The following RBFOX2 variants were observed in gnomAD, a reference collection of about 807,000 sequenced individuals.
RBFOX2 encodes the protein RNA binding protein fox-1 homolog 2.
A neutral mutation model predicts 49.1 loss-of-function variants in RBFOX2; 10 were observed. The observed-to-expected ratio is 0.20, with a 90% CI of 0.13 to 0.35. The LOEUF (loss-of-function observed/expected upper bound fraction) is 0.35, where lower values mean the gene tolerates loss of function less well. RBFOX2 is among the 10% of genes least tolerant of loss of function. RBFOX2 has a pLI of 1.00. For missense variants in RBFOX2, 323 were observed against 486.9 expected (o/e 0.66, Z 3.17); for synonymous variants, 183 against 187.4 (o/e 0.98, Z 0.19).
intron 1 of RBFOX2, among the ~76,000 whole-genome samples, chr22:35,847,169 A>T (rs745760306): frequency 1.2e-4 from 18 of 152,206 alleles, no homozygotes; most frequent in Non-Finnish European, 2.2e-4. Flanking sequence ...CTGATTTTAA[A>T]CTAATTTGGC....
chr22:35,792,772 A>T (rs1948013241), intron 2 of RBFOX2, among the ~76,000 whole-genome samples: 1 of 152,212 alleles, frequency 6.6e-6, no homozygotes, highest in Non-Finnish European at 1.5e-5. Flanking sequence ...TAGCCTTTTT[A>T]AAAAAATAAA....
intron 1 of RBFOX2, among the ~76,000 whole-genome samples, chr22:35,904,420 G>C (rs1323913190): frequency 6.6e-6 from 1 of 152,104 alleles, no homozygotes; most frequent in Non-Finnish European, 1.5e-5. Flanking sequence ...TTTTGTTAGG[G>C]AAGGTCAAAG....
intron 1 of RBFOX2, among the ~76,000 whole-genome samples, chr22:35,823,386 A>T (rs1954954126): frequency 6.6e-6 from 1 of 152,180 alleles, no homozygotes; most frequent in Non-Finnish European, 1.5e-5. Context: ...CATTTCATCC[A>T]ACTATTGGTT....
chr22:35,777,156 C>G (rs1944131847), intron 4 of RBFOX2, among the ~76,000 whole-genome samples: 1 of 151,786 alleles, frequency 6.6e-6, no homozygotes, highest in Non-Finnish European at 1.5e-5. Flanking sequence ...GGATTACAGG[C>G]GTGTGCCACC....
In RBFOX2 at chr22:35,881,134, G is replaced by A. The variant is rs565206838; in HGVS notation, c.-34+57713C>T. 4.6e-5 allele frequency among the ~76,000 whole-genome samples: 7 copies of A among 152,210 alleles called. No homozygotes were observed. The East Asian group carries it at 9.7e-4, about 21-fold the overall frequency. On this transcript the variant is annotated intron_variant, in intron 1 of 13. Transcript: ENST00000359369. ...AAAAATATTAGCTGGGCGTGGTGGC[G>A]GGCGCCTGTAGTCCAGCCACTCTGG...
chr22:35,753,771 CTTTTTTTTTTTT>C lies in RBFOX2; in HGVS notation c.887+6105_887+6116del, dbSNP rs869178693. 1.8e-4 allele frequency among the ~76,000 whole-genome samples: 10 copies of C among 54,470 alleles called. No homozygotes were observed. In the East Asian group the frequency reaches 1.9e-3, roughly 10 times the overall value. 35.7% of individuals were successfully genotyped at this position (54,470 alleles called of 152,430 possible). Reference sequence around the variant, plus strand: ...CTTAACAAGTTTGAAGTAGACAAGTCTTTTTTTTTTTTTTTTTTTTTTTTTTTTTGAGACGAA... The same window carrying C: ...CTTAACAAGTTTGAAGTAGACAAGTCTTTTTTTTTTTTTTTTTGAGACGAA... On this transcript the variant is annotated intron_variant, in intron 9 of 11. Transcript: ENST00000405409.
At chr22:35,809,412 A>G (rs1304761892) in intron 2 of RBFOX2, among the ~76,000 whole-genome samples, 1 of 152,132 alleles carries the variant, frequency 6.6e-6, no homozygotes, top group Non-Finnish European at 1.5e-5. Flanking sequence ...AAAGAAAGAA[A>G]GAATATTCCT....
chr22:35,838,392 T>C (rs1332694731), intron 1 of RBFOX2, among the ~76,000 whole-genome samples: 2 of 151,912 alleles, frequency 1.3e-5, no homozygotes, highest in Non-Finnish European at 2.9e-5. Flanking sequence ...AGGACCAACA[T>C]GGGCATTTTG....
Position 36,028,311 on chromosome 22 carries a change from C to T in RBFOX2, c.115G>A (p.Gly39Arg), listed in dbSNP as rs768334591. 7 of 1,519,090 alleles carry T rather than the reference C, an allele frequency of 4.6e-6. No individual in the cohort carries two copies. In the South Asian group the frequency reaches 6.1e-5, roughly 13 times the overall value. 94.1% of individuals were successfully genotyped at this position (1,519,090 alleles called of 1,614,324 possible). A position where few individuals can be genotyped will look rare whatever the true frequency, so the allele number is the denominator to read the frequency against. Residue 39 changes from glycine (G) to arginine (R), a missense_variant, in exon 1 of 14, where the codon GGA becomes AGA. By Grantham distance (125) the Gly-to-Arg change is moderately radical. Coordinates refer to the RBFOX2 transcript ENST00000438146. The stretch of plus-strand genomic sequence containing the variant: ...CGCTTGCTCAGGCCGGGATCGGCTC[C>T]GTCTCCTCCCGCTCCGGGCACCGGC...
intron 1 of RBFOX2, among the ~76,000 whole-genome samples, chr22:35,893,713 G>A (rs866845077): frequency 6.6e-6 from 1 of 152,154 alleles, no homozygotes; most frequent in Admixed American, 6.5e-5. Flanking sequence ...CAGCCCCTCC[G>A]AACATACACA....
intron 1 of RBFOX2, among the ~76,000 whole-genome samples, chr22:35,854,771 C>G (rs1163654978): frequency 6.6e-6 from 1 of 152,026 alleles, no homozygotes; most frequent in Non-Finnish European, 1.5e-5. Context: ...TATACTTTAT[C>G]TTGCCTTTTA....
In RBFOX2 at chr22:36,026,209, G is replaced by T. The variant is rs549852299; in HGVS notation, c.186+2031C>A. On this transcript the variant is annotated intron_variant, in intron 1 of 13. Coordinates refer to the RBFOX2 transcript ENST00000438146. Reference sequence around the variant, plus strand: ...TGAACCCAGAGGTGGAGGTGGAGGTGGAGGTTGCAGTGAGCCGAGATCGTG... The same window carrying T: ...TGAACCCAGAGGTGGAGGTGGAGGTTGAGGTTGCAGTGAGCCGAGATCGTG... Among the ~76,000 whole-genome samples, 5 of 151,768 alleles carry T rather than the reference G, an allele frequency of 3.3e-5. No homozygotes were observed. In the South Asian group the frequency reaches 6.3e-4, roughly 19 times the overall value.
chr22:35,890,861 G>A (rs1456860020), intron 1 of RBFOX2, among the ~76,000 whole-genome samples: 1 of 151,910 alleles, frequency 6.6e-6, no homozygotes, highest in African/African-American at 2.4e-5. Context: ...AATGAAATAA[G>A]AGCCATAGTT....
chr22:35,809,206 T>C (rs1347420351), intron 2 of RBFOX2, among the ~76,000 whole-genome samples: 1 of 152,194 alleles, frequency 6.6e-6, no homozygotes, highest in African/African-American at 2.4e-5. Flanking sequence ...TAGGTACTAT[T>C]ATCTTCATTT....
chr22:35,750,114 G>T (rs1934346561), intron 9 of RBFOX2, among the ~76,000 whole-genome samples: 4 of 152,016 alleles, frequency 2.6e-5, no homozygotes. Flanking sequence ...CCAGCCCAAA[G>T]AAATAGTCAA....
At chr22:35,821,370 G>C (rs141710841) in intron 1 of RBFOX2, among the ~76,000 whole-genome samples, 6,538 of 152,144 alleles carry the variant, frequency 0.043, 479 homozygotes, top group African/African-American at 0.15. Context: ...GGGAGGCCAA[G>C]GTGGGCGGAT....
At chr22:35,956,577 G>T (rs2055583944) in intron 1 of RBFOX2, among the ~76,000 whole-genome samples, 2 of 152,002 alleles carry the variant, frequency 1.3e-5, no homozygotes, top group Non-Finnish European at 2.9e-5. Context: ...GGCCAGGATG[G>T]TCTCGATCTC....
chr22:35,831,935 C>CT (rs1956877914), intron 1 of RBFOX2, among the ~76,000 whole-genome samples: 1 of 152,136 alleles, frequency 6.6e-6, no homozygotes, highest in Non-Finnish European at 1.5e-5. Flanking sequence ...CAGGTAGATT[C>CT]CTGCCAATCA....
intron 1 of RBFOX2, among the ~76,000 whole-genome samples, chr22:35,895,699 T>C (rs2047762765): frequency 1.3e-5 from 2 of 152,248 alleles, no homozygotes; most frequent in South Asian, 2.1e-4. Flanking sequence ...CGGGCTAAGG[T>C]GCACGGCTTG....
Sources: allele counts gnomAD v4.1 joint callset (sites outside exome capture counted in the v4.1 genomes callset), GRCh38; gene constraint gnomAD v4.1.1; transcripts MANE v1.5; gene names NCBI Gene and HGNC (gene_info 2026-07-23, HGNC 2026-07-21).